The following STK33 variants were observed in gnomAD, a reference collection of about 807,000 sequenced individuals.
STK33 encodes the protein serine/threonine kinase 33, also known as serine/threonine-protein kinase 33.
Under a neutral mutation model 58.0 loss-of-function variants are expected in STK33, and 52 were observed. The observed-to-expected ratio is 0.90, with a 90% CI of 0.72 to 1.13. The LOEUF (loss-of-function observed/expected upper bound fraction) is 1.13, where lower values mean the gene tolerates loss of function less well. Among genes scored for constraint, STK33 ranks in the 50% most tolerant of loss-of-function variants. The pLI is 0.00. For synonymous variants in STK33, 215 were observed against 200.1 expected (o/e 1.07, Z -0.63); for missense variants, 630 against 604.2 (o/e 1.04, Z -0.45).
intron 1 of STK33, among the ~76,000 whole-genome samples, chr11:8,549,696 T>C (rs1956176615): frequency 6.6e-6 from 1 of 152,214 alleles, no homozygotes; most frequent in Non-Finnish European, 1.5e-5. Flanking sequence ...TATTTCTTCA[T>C]GGTTCAATTC....
intron 15 of STK33, among the ~76,000 whole-genome samples, chr11:8,412,901 T>C (rs192122893): frequency 2.7e-4 from 41 of 152,356 alleles, no homozygotes; most frequent in African/African-American, 8.9e-4. Context: ...TATTCAATTC[T>C]ATTCATTAAA....
intron 1 of STK33, among the ~76,000 whole-genome samples, chr11:8,511,389 G>T (rs1278651214): frequency 6.6e-6 from 1 of 152,020 alleles, no homozygotes; most frequent in Non-Finnish European, 1.5e-5. Flanking sequence ...GTTTTTGGTA[G>T]GGCTTTCTAG....
intron 1 of STK33, among the ~76,000 whole-genome samples, chr11:8,587,693 T>C (rs1243035381): frequency 6.6e-6 from 1 of 152,138 alleles, no homozygotes; most frequent in East Asian, 1.9e-4. Flanking sequence ...CCCATGAGGC[T>C]GTAGGGAAAA....
chr11:8,408,326 C>G (rs577292280), intron 15 of STK33, among the ~76,000 whole-genome samples: 13 of 152,238 alleles, frequency 8.5e-5, no homozygotes, highest in African/African-American at 3.1e-4. Context: ...GCTATAGGCC[C>G]TAAGGGGAGC....
chr11:8,392,185 T>C lies in STK33; in HGVS notation c.*325A>G. ...AATAGCTGTGCCTAAACATAAGAAT[T>C]TGAAGTAAAAATGAGCAAGTGTGCC... On this transcript the variant is annotated 3_prime_UTR_variant, in exon 16 of 16. Transcript: ENST00000687296. The C allele has an allele frequency of 6.7e-6, 2 of 298,698 alleles. No individual in the cohort carries two copies. The highest frequency in any genetic ancestry group is 6.9e-5 in the South Asian group (1 of 14,434). 18.5% of individuals were successfully genotyped at this position (298,698 alleles called of 1,614,324 possible).
At chr11:8,553,253 T>TAC (rs1427403178) in intron 1 of STK33, among the ~76,000 whole-genome samples, 2 of 132,728 alleles carry the variant, frequency 1.5e-5, no homozygotes, top group East Asian at 4.5e-4. Flanking sequence ...ATATATATGA[T>TAC]ATATATATCA....
At chr11:8,450,057 T>A (rs1946081972) in intron 11 of STK33, among the ~76,000 whole-genome samples, 1 of 152,178 alleles carries the variant, frequency 6.6e-6, no homozygotes, top group African/African-American at 2.4e-5. Context: ...ACTGCGTATA[T>A]ATATACCCAA....
At chr11:8,482,187 A>C (rs1949861150) in intron 1 of STK33, among the ~76,000 whole-genome samples, 1 of 152,224 alleles carries the variant, frequency 6.6e-6, no homozygotes, top group Non-Finnish European at 1.5e-5. Flanking sequence ...AAAAGCATTT[A>C]GAATGTCACA....
At chr11:8,573,124 T>TTC (rs1957937867) in intron 1 of STK33, among the ~76,000 whole-genome samples, 2 of 152,068 alleles carry the variant, frequency 1.3e-5, no homozygotes, top group South Asian at 4.1e-4. Flanking sequence ...TTAAAACTTT[T>TTC]TCTCTGCAAA....
intron 1 of STK33, among the ~76,000 whole-genome samples, chr11:8,579,738 A>C (rs1478593057): frequency 6.6e-6 from 1 of 152,064 alleles, no homozygotes; most frequent in Non-Finnish European, 1.5e-5. Flanking sequence ...CCCTCACCTA[A>C]AAGGCTCTTA....
chr11:8,363,035 G>A, the STK33 span, among the ~76,000 whole-genome samples: 1 of 152,180 alleles, frequency 6.6e-6, no homozygotes, highest in African/African-American at 2.4e-5. Flanking sequence ...GTGAGCTTGG[G>A]CTCCAGGGTG....
At chr11:8,491,285 T>C (rs1351065969) in intron 1 of STK33, among the ~76,000 whole-genome samples, 1 of 152,204 alleles carries the variant, frequency 6.6e-6, no homozygotes, top group East Asian at 1.9e-4. Flanking sequence ...GCGCAAGAAC[T>C]ACATGATGCA....
intron 6 of STK33, chr11:8,465,463 TAAAG>T (rs1351872695): frequency 6.6e-6 from 1 of 152,252 alleles, no homozygotes; most frequent in East Asian, 1.9e-4. Context: ...CTTCTGCTTA[TAAAG>T]AAAGAATACA....
At chr11:8,494,772 G>T (rs1341822020) in intron 1 of STK33, among the ~76,000 whole-genome samples, 6 of 152,124 alleles carry the variant, frequency 3.9e-5, no homozygotes, top group African/African-American at 1.4e-4. Flanking sequence ...ACAGAACAGA[G>T]GCCTCAGAAA....
the STK33 span, among the ~76,000 whole-genome samples, chr11:8,345,553 G>A: frequency 1.3e-5 from 2 of 152,256 alleles, no homozygotes; most frequent in African/African-American, 4.8e-5. Context: ...ATAGCATGCG[G>A]TTTGGGTGTG....
chr11:8,465,181 G>A (rs1266270425), intron 6 of STK33: 1 of 155,720 alleles, frequency 6.4e-6, no homozygotes, highest in Non-Finnish European at 1.4e-5. Flanking sequence ...ATAAGTGTGT[G>A]TAGATATAAA....
chr11:8,586,570 T>C (rs1244078500), intron 1 of STK33, among the ~76,000 whole-genome samples: 1 of 152,130 alleles, frequency 6.6e-6, no homozygotes, highest in East Asian at 1.9e-4. Flanking sequence ...ACACCTGTAA[T>C]CCCAGCACTT....
At chr11:8,339,367 A>G in the STK33 span, among the ~76,000 whole-genome samples, 2 of 152,234 alleles carry the variant, frequency 1.3e-5, no homozygotes, top group African/African-American at 4.8e-5. Flanking sequence ...CCTCAGCCCC[A>G]AACAGGCAAG....
chr11:8,589,355 T>G lies in STK33; in HGVS notation c.-466+4728A>C, dbSNP rs1046266642. 4.6e-5 allele frequency among the ~76,000 whole-genome samples: 7 copies of G among 152,302 alleles called. No homozygotes were observed. The East Asian group carries it at 1.2e-3, about 25-fold the overall frequency. On this transcript the variant is annotated intron_variant, in intron 1 of 15. Coordinates refer to ENST00000687296, the MANE Select transcript of STK33 (RefSeq NM_001352389.2). ...AAAGGAATAAAGTACTGATACATAC[T>G]ACAACAGAAATGAACTTTGAAAACA...
Sources: allele counts gnomAD v4.1 joint callset (sites outside exome capture counted in the v4.1 genomes callset), GRCh38; gene constraint gnomAD v4.1.1; transcripts MANE v1.5; gene names NCBI Gene and HGNC (gene_info 2026-07-23, HGNC 2026-07-21).